Variants in NR2F1-AS1 observed in about 807,000 individuals in gnomAD.
The protein encoded by NR2F1-AS1 is NR2F1 regulatory antisense RNA 1.
At chr5:93,575,918 C>T (rs1187039133) in intron 1 of NR2F1-AS1, among the ~76,000 whole-genome samples, 1 of 152,160 alleles carries the variant, frequency 6.6e-6, no homozygotes, top group Non-Finnish European at 1.5e-5. Flanking sequence ...ACATATATAT[C>T]CATGAACTGA....
intron 4 of NR2F1-AS1, among the ~76,000 whole-genome samples, chr5:93,446,659 A>T (rs188304114): frequency 1.4e-3 from 214 of 152,358 alleles, no homozygotes; most frequent in Non-Finnish European, 2.2e-3. Flanking sequence ...TGCTATCCCC[A>T]TCAATCTACC....
At chr5:93,496,181 A>C (rs1443562531) in intron 4 of NR2F1-AS1, 1 of 152,214 alleles carries the variant, frequency 6.6e-6, no homozygotes, top group African/African-American at 2.4e-5. Context: ...AGATAGTAAT[A>C]TAAAATAAAC....
At chr5:93,585,187 C>T (rs1239598532), upstream of NR2F1-AS1, 13 of 1,519,318 alleles carry the variant, frequency 8.6e-6, no homozygotes, top group Non-Finnish European at 1.1e-5. Context: ...CCGCAGACCC[C>T]GGGCCAGCCC....
chr5:93,555,207 C>T (rs77181662), intron 2 of NR2F1-AS1, among the ~76,000 whole-genome samples: 2,199 of 152,154 alleles, frequency 0.014, 60 homozygotes, highest in African/African-American at 0.05. Flanking sequence ...AACGCCTAGC[C>T]GAACAAATAA....
At chr5:93,473,500 C>A (rs1041002723) in intron 4 of NR2F1-AS1, among the ~76,000 whole-genome samples, 4 of 151,820 alleles carry the variant, frequency 2.6e-5, no homozygotes, top group African/African-American at 9.7e-5. Flanking sequence ...ACATTCCCCA[C>A]ACACTTTTTC....
chr5:93,521,106 C>T (rs1751492519), intron 4 of NR2F1-AS1, among the ~76,000 whole-genome samples: 1 of 152,108 alleles, frequency 6.6e-6, no homozygotes, highest in South Asian at 2.1e-4. Context: ...CTGACAAAAA[C>T]ACGCAATGGG....
intron 1 of NR2F1-AS1, among the ~76,000 whole-genome samples, chr5:93,575,092 C>A (rs1752867177): frequency 6.6e-6 from 1 of 152,228 alleles, no homozygotes; most frequent in Non-Finnish European, 1.5e-5. Flanking sequence ...GAGAGGTTGG[C>A]AGGTTGAGAT....
At chr5:93,516,949 C>A (rs1751410958) in intron 4 of NR2F1-AS1, among the ~76,000 whole-genome samples, 4 of 151,848 alleles carry the variant, frequency 2.6e-5, no homozygotes, top group African/African-American at 7.2e-5. Context: ...ATTAACCAGA[C>A]TCAAAAATAA....
intron 4 of NR2F1-AS1, among the ~76,000 whole-genome samples, chr5:93,531,930 A>G (rs1174148491): frequency 2.0e-5 from 3 of 152,224 alleles, no homozygotes; most frequent in Admixed American, 2.0e-4. Context: ...CTAAGCAAGA[A>G]TAACAGCAGC....
At chr5:93,432,641 T>C (rs1749350654) in intron 4 of NR2F1-AS1, among the ~76,000 whole-genome samples, 1 of 152,178 alleles carries the variant, frequency 6.6e-6, no homozygotes, top group East Asian at 1.9e-4. Context: ...CATTAAATTA[T>C]CCATTCCCCT....
chr5:93,462,884 C>T (rs570932094), intron 4 of NR2F1-AS1, among the ~76,000 whole-genome samples: 9 of 152,222 alleles, frequency 5.9e-5, no homozygotes, highest in East Asian at 1.9e-4. Flanking sequence ...AAGGTGACTT[C>T]GGTGCTGTTA....
chr5:93,411,294 T>A (rs1748850758), intron 4 of NR2F1-AS1: 1 of 152,246 alleles, frequency 6.6e-6, no homozygotes, highest in Non-Finnish European at 1.5e-5. Flanking sequence ...CTTTTCTGAT[T>A]TCTGGCTAGT....
chr5:93,497,495 T>G (rs1259127528), intron 4 of NR2F1-AS1, among the ~76,000 whole-genome samples: 2 of 152,306 alleles, frequency 1.3e-5, no homozygotes, highest in South Asian at 2.1e-4. Flanking sequence ...CCTACTTTGG[T>G]AAATTCAATT....
At chr5:93,419,526 A>T (rs751281334) in intron 4 of NR2F1-AS1, among the ~76,000 whole-genome samples, 43 of 152,176 alleles carry the variant, frequency 2.8e-4, no homozygotes, top group Non-Finnish European at 5.7e-4. Context: ...GCCTGTGAAT[A>T]ACCACTGCAC....
chr5:93,496,516 A>C (rs1047635959), intron 4 of NR2F1-AS1, among the ~76,000 whole-genome samples: 5 of 152,140 alleles, frequency 3.3e-5, no homozygotes, highest in Admixed American at 2.0e-4. Flanking sequence ...CTTACCTTGG[A>C]TATTATGAAA....
intron 4 of NR2F1-AS1, among the ~76,000 whole-genome samples, chr5:93,458,788 T>G (rs977787424): frequency 6.6e-6 from 1 of 152,052 alleles, no homozygotes; most frequent in African/African-American, 2.4e-5. Context: ...GGAGAGTGGA[T>G]CACTTGAGGT....
intron 4 of NR2F1-AS1, chr5:93,411,416 T>C (rs1308039779): frequency 6.6e-6 from 1 of 152,226 alleles, no homozygotes; most frequent in African/African-American, 2.4e-5. Context: ...AACGAGATGG[T>C]TCTCCAGTGC....
chr5:93,524,024 T>C (rs1415097604), intron 4 of NR2F1-AS1, among the ~76,000 whole-genome samples: 1 of 151,766 alleles, frequency 6.6e-6, no homozygotes, highest in African/African-American at 2.4e-5. Flanking sequence ...TTGACAGAAG[T>C]AGACTTCAGA....
intron 4 of NR2F1-AS1, among the ~76,000 whole-genome samples, chr5:93,464,907 T>C (rs887263499): frequency 6.6e-6 from 1 of 152,222 alleles, no homozygotes; most frequent in African/African-American, 2.4e-5. Context: ...TGCAGTACTC[T>C]TCCAAAGGTA....
Sources: gnomAD v4.1 joint callset for allele counts (sites outside exome capture counted in the v4.1 genomes callset) on GRCh38, gnomAD v4.1.1 for gene constraint, MANE v1.5 for transcripts, NCBI Gene and HGNC (gene_info 2026-07-23, HGNC 2026-07-21) for gene names.